PALS1: variants seen among roughly 807,000 people sequenced by gnomAD.
PALS1 encodes protein PALS1.
In PALS1, 31 loss-of-function variants were observed where a neutral mutation model predicts 78.9. The ratio of observed to expected loss-of-function variants is 0.39; its 90% CI spans 0.30 to 0.53. The LOEUF is 0.53. PALS1 is among the 20% of genes least tolerant of loss of function. The probability of loss-of-function intolerance (pLI) is 0.67; values close to 1 mark genes in which losing one functional copy is unlikely to be tolerated. For synonymous variants in PALS1, 276 were observed against 270.9 expected (o/e 1.02, Z -0.18); for missense variants, 704 against 826.5 (o/e 0.85, Z 1.82).
Position 67,335,118 on chromosome 14 carries a change from G to C in PALS1, c.*2162G>C, listed in dbSNP as rs1331604354. The stretch of plus-strand genomic sequence containing the variant: ...GCCATGCCATACTTTTAGGAAGTCT[G>C]AGATGATAAATATTTCAAGGTCAGT... On this transcript the variant is annotated 3_prime_UTR_variant, in exon 15 of 15. Coordinates refer to ENST00000261681, the MANE Select transcript of PALS1 (RefSeq NM_022474.4). 2.7e-5 allele frequency: 4 copies of C among 149,976 alleles called. No individual in the cohort carries two copies. The highest frequency in any genetic ancestry group is 9.7e-5 in the African/African-American group (4 of 41,274). 9.3% of individuals were successfully genotyped at this position (149,976 alleles called of 1,614,324 possible).
chr14:67,278,158 T>A (rs1245084018), intron 2 of PALS1, among the ~76,000 whole-genome samples: 3 of 151,958 alleles, frequency 2.0e-5, no homozygotes, highest in African/African-American at 7.2e-5. Context: ...TGCCTCAGCC[T>A]TCTGAGTAGC....
intron 10 of PALS1, 112 bp downstream of exon 10, chr14:67,317,015 A>C (rs2085186680): frequency 3.9e-6 from 3 of 766,020 alleles, no homozygotes; most frequent in South Asian, 3.7e-5. Context: ...AGAGTGATAC[A>C]AGAGGCAAAA....
At chr14:67,322,003 T>C (rs1566579160) in intron 13 of PALS1, among the ~76,000 whole-genome samples, 1 of 152,212 alleles carries the variant, frequency 6.6e-6, no homozygotes, top group African/African-American at 2.4e-5. Context: ...CTTGGTTGTA[T>C]GAAAATAATG....
intron 1 of PALS1, among the ~76,000 whole-genome samples, chr14:67,266,032 TC>T (rs2084317233): frequency 6.6e-6 from 1 of 152,046 alleles, no homozygotes; most frequent in Non-Finnish European, 1.5e-5. Context: ...TGTCTCAAAC[TC>T]CTGGTCTCAG....
intron 11 of PALS1, among the ~76,000 whole-genome samples, chr14:67,319,261 T>C (rs768933015): frequency 6.6e-6 from 1 of 152,146 alleles, no homozygotes; most frequent in Non-Finnish European, 1.5e-5. Context: ...CATCTGATGC[T>C]CCTTCACAGT....
At chr14:67,317,514 T>C (rs1487601206) in intron 11 of PALS1, 35 bp downstream of exon 11, 1 of 1,466,558 alleles carries the variant, frequency 6.8e-7, no homozygotes, top group Non-Finnish European at 9.5e-7. Flanking sequence ...TGGAATTATA[T>C]CTGAAAGGAG....
chr14:67,321,015 C>T (rs2085255059), intron 12 of PALS1, 42 bp from the exon 13 acceptor site: 1 of 1,562,440 alleles, frequency 6.4e-7, no homozygotes, highest in African/African-American at 1.4e-5. Context: ...TGTCCTCACT[C>T]TAAGCCATGC....
chr14:67,242,823 G>T (rs1463860882), intron 1 of PALS1, among the ~76,000 whole-genome samples: 1 of 152,072 alleles, frequency 6.6e-6, no homozygotes, highest in African/African-American at 2.4e-5. Context: ...ATTAGTTTTG[G>T]CAAGACGGAC....
intron 9 of PALS1, among the ~76,000 whole-genome samples, chr14:67,316,326 C>T (rs2085174870): frequency 6.6e-6 from 1 of 152,042 alleles, no homozygotes; most frequent in Admixed American, 6.6e-5. Context: ...TAAAAAATGG[C>T]TAACACATAT....
At chr14:67,252,690 C>T (rs2084084526) in intron 1 of PALS1, among the ~76,000 whole-genome samples, 1 of 152,056 alleles carries the variant, frequency 6.6e-6, no homozygotes, top group Admixed American at 6.5e-5. Flanking sequence ...AGGAAAAGAC[C>T]CACACATTTG....
chr14:67,275,154 G>C (rs1299838079), intron 2 of PALS1, among the ~76,000 whole-genome samples: 2 of 152,126 alleles, frequency 1.3e-5, no homozygotes, highest in Non-Finnish European at 2.9e-5. Context: ...TTCCAACACT[G>C]TGTTGAATAG....
chr14:67,327,010 A>G (rs914719399), intron 14 of PALS1, among the ~76,000 whole-genome samples: 9 of 152,162 alleles, frequency 5.9e-5, no homozygotes, highest in South Asian at 4.1e-4. Flanking sequence ...CCCCGTCTCT[A>G]CTAAAAATAC....
At chr14:67,270,190 C>A (rs2084387466) in intron 2 of PALS1, 1 of 152,222 alleles carries the variant, frequency 6.6e-6, no homozygotes, top group South Asian at 2.1e-4. Context: ...CAGTCTCAAT[C>A]ATTTGCACTT....
Position 67,316,915 on chromosome 14 carries a change from G to C in PALS1, c.1297+12G>C. The stretch of plus-strand genomic sequence containing the variant: ...GCCAGAAAAATCAGGTTAGACACTT[G>C]TATTTGACATAAGTAAATGGTTTCT... On this transcript the variant is annotated intron_variant, in intron 10 of 14. Coordinates refer to ENST00000261681, the MANE Select transcript of PALS1 (RefSeq NM_022474.4). The C allele has an allele frequency of 6.2e-7, 1 of 1,601,058 alleles. No individual in the cohort carries two copies. The highest frequency in any genetic ancestry group is 8.5e-7 in the Non-Finnish European group (1 of 1,172,134).
chr14:67,322,988 T>C (rs1411343670), intron 13 of PALS1, among the ~76,000 whole-genome samples: 1 of 152,174 alleles, frequency 6.6e-6, no homozygotes, highest in Admixed American at 6.5e-5. Context: ...ATTTTGCTTA[T>C]ATTTAGTGTC....
At chr14:67,306,189 C>G (rs1476440053) in intron 8 of PALS1, among the ~76,000 whole-genome samples, 1 of 151,916 alleles carries the variant, frequency 6.6e-6, no homozygotes, top group Non-Finnish European at 1.5e-5. Context: ...ATGCTGGTCT[C>G]GAACTCCTGA....
chr14:67,289,525 T>C (rs977053194), intron 3 of PALS1, among the ~76,000 whole-genome samples: 3 of 152,102 alleles, frequency 2.0e-5, no homozygotes, highest in African/African-American at 7.2e-5. Context: ...GGGATAACTA[T>C]ATATATAAAA....
At chr14:67,273,457 C>G (rs1363360679) in intron 2 of PALS1, among the ~76,000 whole-genome samples, 2 of 152,074 alleles carry the variant, frequency 1.3e-5, no homozygotes, top group African/African-American at 4.8e-5. Flanking sequence ...TGAACTCATC[C>G]TTTTTTATGG....
At chr14:67,323,636 A>ATATATATATC (rs113299402) in intron 13 of PALS1, 66 bp from the exon 14 acceptor site, 13 of 434,802 alleles carry the variant, frequency 3.0e-5, no homozygotes, top group African/African-American at 2.6e-4. Flanking sequence ...ATATATATAT[A>ATATATATATC]TCAGTATTAT....
Sources: gnomAD v4.1 joint callset for allele counts (sites outside exome capture counted in the v4.1 genomes callset) on GRCh38, gnomAD v4.1.1 for gene constraint, MANE v1.5 for transcripts, NCBI Gene and HGNC (gene_info 2026-07-23, HGNC 2026-07-21) for gene names.